Variants in DSG2 observed in about 807,000 individuals in gnomAD.
The protein encoded by DSG2 is desmoglein 2, also known as desmoglein-2.
A neutral mutation model predicts 75.6 loss-of-function variants in DSG2; 45 were observed. The observed-to-expected ratio is 0.60, with a 90% CI of 0.47 to 0.76. The LOEUF is 0.76. Among genes scored for constraint, DSG2 ranks in the 30% least tolerant of loss-of-function variants. The pLI is 0.00. For synonymous variants in DSG2, 429 were observed against 483.9 expected (o/e 0.89, Z 1.49); for missense variants, 1,267 against 1,357.4 (o/e 0.93, Z 1.05).
chr18:31,500,072 C>G (rs1000738606), intron 1 of DSG2, among the ~76,000 whole-genome samples: 3 of 146,712 alleles, frequency 2.0e-5, no homozygotes, highest in African/African-American at 7.6e-5. Context: ...GAAAGCAACT[C>G]ATCTGACAGA....
chr18:31,531,083 A>C lies in DSG2; in HGVS notation c.1111A>C (p.Thr371Pro). ...HKSIRSKYKPTPIPIKVKVKN... is the reference protein window; with the variant it reads ...HKSIRSKYKPPPIPIKVKVKN... ...GTCGATTAGGAGTAAATACAAGCCT[A>C]CACCCATTCCCATCAAGGTCAAAGT... is the stretch of plus-strand genomic sequence containing the variant. Residue 371 changes from threonine to proline, a missense_variant, in exon 9 of 15, where the codon ACA becomes CCA. By Grantham distance (38) the Thr-to-Pro change is conservative (BLOSUM62 -1). Transcript: ENST00000261590. The C allele has an allele frequency of 6.2e-7, 1 of 1,614,154 alleles. No homozygotes were observed. The highest frequency in any genetic ancestry group is 1.3e-5 in the African/African-American group (1 of 75,058).
chr18:31,524,404 A>T, intron 6 of DSG2, 44 bp from the exon 7 acceptor site: 1 of 1,613,910 alleles, frequency 6.2e-7, no homozygotes, highest in South Asian at 1.1e-5. Flanking sequence ...CAGATGTAAG[A>T]GTGACTCTTT....
chr18:31,505,012 T>C (rs896765284), intron 1 of DSG2, among the ~76,000 whole-genome samples: 1 of 152,154 alleles, frequency 6.6e-6, no homozygotes, highest in African/African-American at 2.4e-5. Flanking sequence ...CTGAACTGTC[T>C]CCTGCCTTTT....
chr18:31,521,347 A>C (rs2073127488), intron 5 of DSG2, 104 bp downstream of exon 5: 1 of 1,194,568 alleles, frequency 8.4e-7, no homozygotes, highest in Middle Eastern at 2.7e-4. Flanking sequence ...GTTGAGTATT[A>C]CCTACAGAAC....
intron 1 of DSG2, among the ~76,000 whole-genome samples, chr18:31,503,502 A>G (rs1245312844): frequency 6.6e-6 from 1 of 152,206 alleles, no homozygotes; most frequent in African/African-American, 2.4e-5. Context: ...AATGTATAGG[A>G]AGATAGGCCT....
intron 1 of DSG2, among the ~76,000 whole-genome samples, chr18:31,506,397 A>T (rs1263208327): frequency 1.3e-5 from 2 of 152,238 alleles, no homozygotes; most frequent in African/African-American, 2.4e-5. Context: ...AAAACTGTAC[A>T]TATAACTTTC....
Position 31,546,004 on chromosome 18 carries a change from A to C in DSG2, c.2618A>C (p.Gln873Pro), listed in dbSNP as rs751466347. ...MNTASHSLCE[Q>P]TMVNSENTYS... ...ACAGCTTCACATTCACTCTGTGAGCAAACTATGGTTAATTCAGAGAATACC... is the reference window on the plus strand; with the variant it reads ...ACAGCTTCACATTCACTCTGTGAGCCAACTATGGTTAATTCAGAGAATACC... Residue 873 changes from glutamine to proline, a missense_variant, in exon 15 of 15, where the codon CAA (glutamine) becomes CCA (proline). Transcript: ENST00000261590. 1 of 1,614,192 alleles carries C rather than the reference A, an allele frequency of 6.2e-7. No homozygotes were observed. Among genetic ancestry groups the C allele is most frequent in the Middle Eastern group, 1.6e-4 (1 of 6,062 alleles).
In DSG2 at chr18:31,536,315, G is replaced by A. The variant is rs1325342385; in HGVS notation, c.1537G>A (p.Val513Met). ...VQTICHDAEYVNVTAEDLDGH... is the reference protein window; with the variant it reads ...VQTICHDAEYMNVTAEDLDGH... ...GACAATCTGTCACGATGCAGAGTAT[G>A]TGAATGTTACTGCAGAGGACCTGGA... Residue 513 changes from valine (V) to methionine (M), a missense_variant, in exon 11 of 15, where the codon GTG (valine) becomes ATG (methionine). Val to Met is a conservative substitution (Grantham distance 21). Coordinates refer to ENST00000261590, the MANE Select transcript of DSG2 (RefSeq NM_001943.5). 3 of 1,614,200 alleles carry A rather than the reference G, an allele frequency of 1.9e-6. No individual in the cohort carries two copies. Among genetic ancestry groups the A allele is most frequent in the Middle Eastern group, 1.6e-4 (1 of 6,062 alleles).
At position 31,522,084 on chromosome 18, in the gene DSG2, T is replaced by C. The variant is rs1023302355; in HGVS notation, c.525T>C (p.His175=). 1.2e-6 allele frequency: 2 copies of C among 1,613,430 alleles called. No homozygotes were observed. The highest frequency in any genetic ancestry group is 1.3e-5 in the African/African-American group (1 of 74,922). Reference sequence around the variant, plus strand: ...AGACATCTTTATTTCTAATGCCAGATACTCTTGTGATGAAAATCAATGCAA... The same window carrying C: ...AGACATCTTTATTTCTAATGCCAGACACTCTTGTGATGAAAATCAATGCAA... ...VGSVEELSAA[H]TLVMKINATD... Residue 175 remains histidine, a splice_region_variant and synonymous_variant, in exon 6 of 15, where the codon CAT becomes CAC. Transcript: ENST00000261590.
At chr18:31,500,827 A>C (rs1467952336) in intron 1 of DSG2, among the ~76,000 whole-genome samples, 1 of 152,216 alleles carries the variant, frequency 6.6e-6, no homozygotes, top group Non-Finnish European at 1.5e-5. Flanking sequence ...GCAATCCATC[A>C]ACTCCCAAAT....
At chr18:31,529,621 G>A (rs1307873700) in intron 8 of DSG2, among the ~76,000 whole-genome samples, 1 of 152,074 alleles carries the variant, frequency 6.6e-6, no homozygotes, top group Non-Finnish European at 1.5e-5. Context: ...GACTTATTTT[G>A]GTGAAAATAA....
At chr18:31,511,393 G>A (rs555552475) in intron 1 of DSG2, among the ~76,000 whole-genome samples, 17 of 152,280 alleles carry the variant, frequency 1.1e-4, no homozygotes, top group Non-Finnish European at 2.2e-4. Flanking sequence ...CAGGAGGAGC[G>A]GGGCAGGGCA....
At chr18:31,542,939 G>A (rs2073279518) in intron 14 of DSG2, 87 bp downstream of exon 14, 1 of 1,047,060 alleles carries the variant, frequency 9.6e-7, no homozygotes, top group Admixed American at 3.2e-5. Context: ...TCATTGCCTT[G>A]GATCCAAATG....
At chr18:31,513,760 GA>G in intron 1 of DSG2, among the ~76,000 whole-genome samples, 1 of 152,296 alleles carries the variant, frequency 6.6e-6, no homozygotes, top group Non-Finnish European at 1.5e-5. Context: ...TAGGGACTGG[GA>G]AAAATAGTAA....
chr18:31,538,857 T>TA lies in DSG2; in HGVS notation c.1759dup (p.Thr587AsnfsTer6), dbSNP rs1342580910. ...TTAGTTGTCCTGAAAAGCAGGTCCTTACACTCACAGTTTGTGAGTGTCTGC... is the reference window on the plus strand; with the variant it reads ...TTAGTTGTCCTGAAAAGCAGGTCCTTAACACTCACAGTTTGTGAGTGTCTGC... On this transcript the variant is annotated frameshift_variant, in exon 12 of 15. Transcript: ENST00000261590. LOFTEE classifies it high-confidence loss of function. 6.2e-7 allele frequency: 1 copy of TA among 1,614,160 alleles called. No individual in the cohort carries two copies. The highest frequency in any genetic ancestry group is 1.1e-5 in the South Asian group (1 of 91,078).
intron 14 of DSG2, among the ~76,000 whole-genome samples, chr18:31,544,748 T>C (rs1667213): frequency 0.18 from 26,967 of 152,094 alleles, 3,225 homozygotes; most frequent in African/African-American, 0.34. Context: ...ACTACAGATC[T>C]TACAGACATA....
chr18:31,504,255 G>A (rs1473720886), intron 1 of DSG2, among the ~76,000 whole-genome samples: 3 of 151,928 alleles, frequency 2.0e-5, no homozygotes, highest in Non-Finnish European at 4.4e-5. Context: ...ATTTCCCTCG[G>A]TCTAAAACAC....
intron 9 of DSG2, among the ~76,000 whole-genome samples, chr18:31,533,294 C>A (rs551565837): frequency 1.3e-5 from 2 of 152,184 alleles, no homozygotes; most frequent in South Asian, 2.1e-4. Flanking sequence ...CACAGCAAGA[C>A]CTTGTCTCTA....
At chr18:31,521,422 CT>C (rs2073127808) in intron 5 of DSG2, among the ~76,000 whole-genome samples, 179 bp downstream of exon 5, 1 of 152,040 alleles carries the variant, frequency 6.6e-6, no homozygotes, top group Admixed American at 6.6e-5. Flanking sequence ...CATGCCATTG[CT>C]TTTACCCTCA....
Sources: allele counts gnomAD v4.1 joint callset (sites outside exome capture counted in the v4.1 genomes callset), GRCh38; gene constraint gnomAD v4.1.1; transcripts MANE v1.5; gene names NCBI Gene and HGNC (gene_info 2026-07-23, HGNC 2026-07-21).